The following TENM3 variants were observed in gnomAD, a reference collection of about 807,000 sequenced individuals.
The protein encoded by TENM3 is teneurin transmembrane protein 3.
TENM3 carries 63 observed loss-of-function variants against 255.1 expected under a neutral mutation model. The observed-to-expected ratio is 0.25, with a 90% CI of 0.20 to 0.30. The LOEUF (loss-of-function observed/expected upper bound fraction) is 0.30, where lower values mean the gene tolerates loss of function less well. Ranked by LOEUF, TENM3 falls within the 10% of genes least tolerant of loss-of-function variation. The pLI is 1.00. For missense variants in TENM3, 2,929 were observed against 3,461.1 expected (o/e 0.85, Z 3.86); for synonymous variants, 1,306 against 1,322.3 (o/e 0.99, Z 0.27).
chr4:182,572,194 G>A (rs572854038), intron 3 of TENM3, among the ~76,000 whole-genome samples: 84 of 152,280 alleles, frequency 5.5e-4, no homozygotes, highest in African/African-American at 2.0e-3. Flanking sequence ...GAGCCACTGC[G>A]CCCGGCCAAT....
chr4:182,263,167 CA>C (rs1240295322), intron 1 of TENM3, among the ~76,000 whole-genome samples: 1 of 152,048 alleles, frequency 6.6e-6, no homozygotes, highest in East Asian at 1.9e-4. Context: ...GCCGCGGGGT[CA>C]GGGGTTGTTG....
chr4:182,198,771 CAG>C (rs796625244), intron 1 of TENM3, among the ~76,000 whole-genome samples: 4 of 152,194 alleles, frequency 2.6e-5, no homozygotes, highest in African/African-American at 7.2e-5. Flanking sequence ...TGATGAAGGA[CAG>C]AGCAGAGGGA....
chr4:182,709,322 C>G (rs1239582240), intron 12 of TENM3, among the ~76,000 whole-genome samples: 1 of 152,118 alleles, frequency 6.6e-6, no homozygotes, highest in African/African-American at 2.4e-5. Flanking sequence ...TTTTATATGT[C>G]TAGCACCCAT....
At chr4:182,161,737 A>T (rs1453602898) in intron 1 of TENM3, among the ~76,000 whole-genome samples, 1 of 96,780 alleles carries the variant, frequency 1.0e-5, no homozygotes, top group Admixed American at 1.2e-4. Context: ...ATATATACAC[A>T]AATATATGTG....
chr4:182,495,117 G>A (rs1233722763), intron 3 of TENM3, among the ~76,000 whole-genome samples: 5 of 152,156 alleles, frequency 3.3e-5, no homozygotes, highest in East Asian at 1.9e-4. Flanking sequence ...AGAGGTTCCC[G>A]CCTTCCTCCT....
chr4:182,259,802 A>T (rs1758665433), intron 1 of TENM3, among the ~76,000 whole-genome samples: 1 of 152,260 alleles, frequency 6.6e-6, no homozygotes, highest in South Asian at 2.1e-4. Flanking sequence ...TGAAATACAC[A>T]ATAGATTACT....
chr4:181,888,505 T>C, the TENM3 span, among the ~76,000 whole-genome samples: 1 of 28,720 alleles, frequency 3.5e-5, no homozygotes, highest in African/African-American at 1.5e-4. Context: ...TATATATATA[T>C]ATATATATAT....
the TENM3 span, among the ~76,000 whole-genome samples, chr4:181,655,828 G>A: frequency 6.6e-6 from 1 of 152,348 alleles, no homozygotes; most frequent in South Asian, 2.1e-4. Context: ...AAGCTTATCA[G>A]AGCTGAGGTG....
At position 182,792,506 on chromosome 4, in the gene TENM3, G is replaced by A. The variant is rs759505503; in HGVS notation, c.5834G>A (p.Arg1945Lys). 3.7e-6 allele frequency: 6 copies of A among 1,613,910 alleles called. No homozygotes were observed. In the African/African-American group the frequency reaches 4.0e-5, roughly 11 times the overall value. ...LQTAFLGTSRRVLFKYRRQTR... is the reference protein window; with the variant it reads ...LQTAFLGTSRKVLFKYRRQTR... ...ACAGCTTTCTTGGGTACAAGTCGGA[G>A]GGTCTTATTCAAATACAGAAGGCAG... Residue 1945 changes from arginine to lysine, a missense_variant, in exon 26 of 28, where the codon AGG becomes AAG. By Grantham distance (26) the Arg-to-Lys change is conservative. This residue lies in a region of TENM3 where 303 missense variants were observed against 425.2 expected (regional missense o/e 0.71). Transcript: ENST00000511685. This position sits in a 1 kb window ranked among gnomAD's most constrained non-coding sequence, Gnocchi z 6.3.
the TENM3 span, among the ~76,000 whole-genome samples, chr4:181,475,276 T>G: frequency 2.6e-5 from 4 of 152,334 alleles, no homozygotes; most frequent in South Asian, 8.3e-4. Context: ...AACAAAGTCA[T>G]GCAAATAAAT....
chr4:181,714,043 C>G, the TENM3 span, among the ~76,000 whole-genome samples: 1 of 152,104 alleles, frequency 6.6e-6, no homozygotes, highest in African/African-American at 2.4e-5. Context: ...GAGGAAGAAA[C>G]CCTTTTTACA....
chr4:181,654,247 AAG>A, the TENM3 span, among the ~76,000 whole-genome samples: 1 of 151,674 alleles, frequency 6.6e-6, no homozygotes, highest in South Asian at 2.1e-4. Flanking sequence ...AAAAAAAAAA[AAG>A]AAGTCCAAAC....
chr4:182,268,292 T>G (rs1405903584), intron 1 of TENM3, among the ~76,000 whole-genome samples: 2 of 152,186 alleles, frequency 1.3e-5, no homozygotes, highest in African/African-American at 2.4e-5. Context: ...GAGTTATAAA[T>G]AAACCTTACC....
chr4:182,403,266 G>A (rs1462049621), intron 3 of TENM3, among the ~76,000 whole-genome samples: 6 of 152,162 alleles, frequency 3.9e-5, no homozygotes, highest in Admixed American at 3.9e-4. Flanking sequence ...TACTTTCATA[G>A]TTCAAACAAA....
intron 3 of TENM3, among the ~76,000 whole-genome samples, chr4:182,511,264 T>C (rs1438599313): frequency 6.6e-6 from 1 of 152,212 alleles, no homozygotes; most frequent in Non-Finnish European, 1.5e-5. Flanking sequence ...ATAGAAACTG[T>C]TCCATAAATT....
chr4:182,743,200 A>G lies in TENM3; in HGVS notation c.3410A>G (p.Gln1137Arg). Residue 1137 changes from glutamine (Q) to arginine (R), a missense_variant, in exon 19 of 28, where the codon CAG becomes CGG. Physicochemically the swap from Gln to Arg is conservative, Grantham distance 43. Transcript: ENST00000511685. ...GILYKGNGENQFISQQPPVVS... is the reference protein window; with the variant it reads ...GILYKGNGENRFISQQPPVVS... The stretch of plus-strand genomic sequence containing the variant: ...CTGTACAAGGGAAACGGGGAAAACC[A>G]GTTCATCTCCCAGCAGCCTCCAGTC... 6.2e-7 allele frequency: 1 copy of G among 1,613,530 alleles called. No individual in the cohort carries two copies. The highest frequency in any genetic ancestry group is 8.5e-7 in the Non-Finnish European group (1 of 1,179,438).
the TENM3 span, among the ~76,000 whole-genome samples, chr4:181,653,676 G>T: frequency 1.3e-5 from 2 of 151,446 alleles, no homozygotes; most frequent in East Asian, 2.0e-4. Flanking sequence ...TAGGATTACA[G>T]GCGTGCATGA....
At chr4:181,549,659 G>A in the TENM3 span, among the ~76,000 whole-genome samples, 3 of 152,120 alleles carry the variant, frequency 2.0e-5, 1 homozygote, top group South Asian at 2.1e-4. Context: ...TTAGGTAATG[G>A]CCTGACTTAT....
chr4:182,418,186 C>T (rs1310644798), intron 3 of TENM3, among the ~76,000 whole-genome samples: 2 of 152,062 alleles, frequency 1.3e-5, no homozygotes, highest in Admixed American at 6.6e-5. Context: ...CATTTCAATT[C>T]GAATATATTG....
Sources: gnomAD v4.1 joint callset for allele counts (sites outside exome capture counted in the v4.1 genomes callset) on GRCh38, gnomAD v4.1.1 for gene constraint, gnomAD v4.1.1 regional missense constraint, Gnocchi (gnomAD v3.1) non-coding constraint, MANE v1.5 for transcripts, NCBI Gene and HGNC (gene_info 2026-07-23, HGNC 2026-07-21) for gene names.